Variants in IDO2 observed in about 807,000 individuals in gnomAD.
IDO2 encodes indoleamine 2,3-dioxygenase 2, also known as indoleamine 2,3-dioxygenase-like 1 protein.
Under a neutral mutation model 45.1 loss-of-function variants are expected in IDO2, and 46 were observed. The ratio of observed to expected loss-of-function variants is 1.02; its 90% CI spans 0.80 to 1.30. IDO2 has a LOEUF of 1.30. Ranked by LOEUF, IDO2 falls within the 50% of genes most tolerant of loss-of-function variation. The probability of loss-of-function intolerance (pLI) is 0.00; values close to 1 mark genes in which losing one functional copy is unlikely to be tolerated. For missense variants in IDO2, 544 were observed against 491.8 expected (o/e 1.11, Z -1.00); for synonymous variants, 218 against 184.9 (o/e 1.18, Z -1.45).
At chr8:39,985,476 TTGG>T in intron 5 of IDO2, 29 bp from the exon 6 acceptor site, 3 of 1,545,004 alleles carry the variant, frequency 1.9e-6, no homozygotes, top group Non-Finnish European at 2.6e-6. Context: ...TTTTTCTCTC[TTGG>T]TGGTCATCAA....
chr8:39,976,899 A>G (rs1055041717), intron 3 of IDO2, among the ~76,000 whole-genome samples: 1 of 152,226 alleles, frequency 6.6e-6, no homozygotes, highest in Admixed American at 6.5e-5. Context: ...AGGGACAAAT[A>G]ATTTTGTGCT....
At chr8:39,949,627 T>TCACA (rs1284798727) in intron 2 of IDO2, among the ~76,000 whole-genome samples, 1 of 152,176 alleles carries the variant, frequency 6.6e-6, no homozygotes, top group East Asian at 1.9e-4. Flanking sequence ...TGAGCTAAGG[T>TCACA]CACAGTAAGA....
At chr8:39,986,699 T>TAGATAGAC (rs1808429219) in intron 6 of IDO2, among the ~76,000 whole-genome samples, 1 of 150,028 alleles carries the variant, frequency 6.7e-6, no homozygotes. Context: ...GATAGATAGA[T>TAGATAGAC]AGATAGATAG....
intron 8 of IDO2, among the ~76,000 whole-genome samples, chr8:40,004,940 T>A (rs1802197960): frequency 6.6e-6 from 1 of 152,206 alleles, no homozygotes; most frequent in African/African-American, 2.4e-5. Context: ...TGAATTTAGT[T>A]TTCATCTCTT....
chr8:39,947,363 A>AT (rs1376510485), intron 1 of IDO2, among the ~76,000 whole-genome samples: 1 of 152,200 alleles, frequency 6.6e-6, no homozygotes, highest in African/African-American at 2.4e-5. Context: ...TGCTAGCCAC[A>AT]ATAAGGAAAT....
chr8:40,015,620 A>G, exon 11 of IDO2: 1 of 1,559,374 alleles, frequency 6.4e-7, no homozygotes, highest in East Asian at 2.2e-5. Context: ...CCCTCTCCCC[A>G]GCAATGCAGA....
chr8:39,973,170 T>A (rs944840053), intron 3 of IDO2, among the ~76,000 whole-genome samples: 4 of 152,180 alleles, frequency 2.6e-5, no homozygotes, highest in African/African-American at 9.7e-5. Flanking sequence ...GAGGGAAAGC[T>A]AGAATTAATA....
intron 3 of IDO2, among the ~76,000 whole-genome samples, chr8:39,968,699 G>C (rs1357322316): frequency 6.6e-6 from 1 of 151,860 alleles, no homozygotes; most frequent in Non-Finnish European, 1.5e-5. Context: ...ATCACACACC[G>C]GGGCCTGTTG....
intron 2 of IDO2, among the ~76,000 whole-genome samples, chr8:39,957,042 CAAAAAAAAAAA>C (rs56064306): frequency 6.4e-5 from 2 of 31,334 alleles, no homozygotes; most frequent in African/African-American, 2.3e-4. Context: ...GACTCCATCT[CAAAAAAAAAAA>C]AAAAAAAAAA....
At chr8:39,978,925 C>T (rs1034539092) in intron 3 of IDO2, 142 bp from the exon 4 acceptor site, 4 of 719,800 alleles carry the variant, frequency 5.6e-6, no homozygotes, top group Admixed American at 2.5e-5. Context: ...GGTGTGTGTG[C>T]GGGCTCTTTG....
chr8:40,001,170 TTC>T (rs140987115), intron 8 of IDO2, among the ~76,000 whole-genome samples: 64 of 149,416 alleles, frequency 4.3e-4, no homozygotes, highest in Admixed American at 4.7e-4. Flanking sequence ...AATCTCTTCT[TTC>T]TCTCTCTCTC....
intron 1 of IDO2, among the ~76,000 whole-genome samples, chr8:39,945,815 A>G (rs1267063073): frequency 6.6e-6 from 1 of 152,206 alleles, no homozygotes; most frequent in African/African-American, 2.4e-5. Context: ...TTGCAAAATT[A>G]TGACTGAGAC....
chr8:39,945,603 G>A (rs1420692095), intron 1 of IDO2, among the ~76,000 whole-genome samples: 3 of 152,282 alleles, frequency 2.0e-5, no homozygotes, highest in Middle Eastern at 6.8e-3. Flanking sequence ...AGCCCTTAGG[G>A]AAGAATGTCT....
chr8:39,998,815 G>A (rs1487868604), intron 8 of IDO2, among the ~76,000 whole-genome samples: 1 of 151,348 alleles, frequency 6.6e-6, no homozygotes, highest in African/African-American at 2.4e-5. Context: ...TAATTTTTTT[G>A]TATTTTTAGT....
At chr8:39,998,640 T>TC (rs377084364) in intron 8 of IDO2, 352 of 34,630 alleles carry the variant, frequency 0.01, 1 homozygote, top group African/African-American at 0.038. Flanking sequence ...TTCTTCTTCT[T>TC]TTTTTTTTTT....
At chr8:39,944,268 G>C (rs923023558) in intron 1 of IDO2, among the ~76,000 whole-genome samples, 2 of 38,644 alleles carry the variant, frequency 5.2e-5, no homozygotes, top group Non-Finnish European at 1.7e-4. Context: ...TATTACGCAA[G>C]GATCCACTTT....
At chr8:39,958,151 C>A (rs4466387) in intron 2 of IDO2, among the ~76,000 whole-genome samples, 1 of 151,958 alleles carries the variant, frequency 6.6e-6, no homozygotes, top group Admixed American at 6.6e-5. Context: ...GTGATCTGCC[C>A]GCATCGGCCT....
chr8:39,968,975 G>A (rs1366534735), intron 3 of IDO2, among the ~76,000 whole-genome samples: 1 of 151,664 alleles, frequency 6.6e-6, no homozygotes, highest in African/African-American at 2.4e-5. Context: ...GTAGGGAAAG[G>A]AACGGACTTA....
intron 4 of IDO2, among the ~76,000 whole-genome samples, chr8:39,981,434 T>TC (rs1214525382): frequency 1.3e-5 from 2 of 152,034 alleles, no homozygotes; most frequent in African/African-American, 4.8e-5. Flanking sequence ...CTTTATACCA[T>TC]CCCCTCTGCA....
Sources: gnomAD v4.1 joint callset for allele counts (sites outside exome capture counted in the v4.1 genomes callset) on GRCh38, gnomAD v4.1.1 for gene constraint, MANE v1.5 for transcripts, NCBI Gene and HGNC (gene_info 2026-07-23, HGNC 2026-07-21) for gene names.